AUTS2: variants seen among roughly 807,000 people sequenced by gnomAD.
The protein encoded by AUTS2 is activator of transcription and developmental regulator AUTS2, also known as autism susceptibility gene 2 protein.
A neutral mutation model predicts 112.4 loss-of-function variants in AUTS2; 17 were observed. The observed-to-expected ratio is 0.15, with a 90% CI of 0.10 to 0.23. The LOEUF (loss-of-function observed/expected upper bound fraction) is 0.23. Ranked by LOEUF, AUTS2 falls within the 10% of genes least tolerant of loss-of-function variation. The pLI, the probability that AUTS2 is intolerant of heterozygous loss-of-function variation, is 1.00. For missense variants in AUTS2, 1,510 were observed against 1,701.6 expected (o/e 0.89, Z 1.98); for synonymous variants, 751 against 702.7 (o/e 1.07, Z -1.09).
chr7:69,604,946 G>C (rs961060828), intron 1 of AUTS2, among the ~76,000 whole-genome samples: 1 of 152,228 alleles, frequency 6.6e-6, no homozygotes, highest in African/African-American at 2.4e-5. Flanking sequence ...GAAACAGAGT[G>C]ATCTACCGCC....
At chr7:70,546,186 G>A (rs1348354864) in intron 5 of AUTS2, among the ~76,000 whole-genome samples, 1 of 152,220 alleles carries the variant, frequency 6.6e-6, no homozygotes, top group Non-Finnish European at 1.5e-5. Context: ...GCTCATGCCT[G>A]TAATCCCAGC....
chr7:69,953,380 T>TG (rs1797099445), intron 2 of AUTS2, among the ~76,000 whole-genome samples: 3 of 152,140 alleles, frequency 2.0e-5, no homozygotes, highest in African/African-American at 4.8e-5. Context: ...GATTTTTTTT[T>TG]CTTTCCTTCT....
At chr7:69,773,497 C>T (rs576066238) in intron 1 of AUTS2, among the ~76,000 whole-genome samples, 4 of 150,858 alleles carry the variant, frequency 2.7e-5, no homozygotes, top group Admixed American at 2.6e-4. Flanking sequence ...AAACCTTTTT[C>T]CCCAAGCCTT....
At chr7:70,166,040 G>A (rs1808364175) in intron 4 of AUTS2, among the ~76,000 whole-genome samples, 1 of 152,064 alleles carries the variant, frequency 6.6e-6, no homozygotes, top group African/African-American at 2.4e-5. Flanking sequence ...GCTCCCCTAT[G>A]GTAAGACGTG....
chr7:69,693,798 A>G (rs952249127), intron 1 of AUTS2, among the ~76,000 whole-genome samples: 3 of 152,210 alleles, frequency 2.0e-5, no homozygotes, highest in African/African-American at 7.2e-5. Context: ...TTTCCATGAC[A>G]TTGCTTTAGC....
rs1666060583 is a variant in AUTS2 at position 70,631,924 on chromosome 7, A to G, written c.691-66645A>G. ...GGGGAGACTGCCTGTGGTGAAAAGG[A>G]CAAGGAGATTTGCATCTCTGGCCTC... On this transcript the variant is annotated intron_variant, in intron 5 of 18. Transcript: ENST00000342771. This position sits in a 1 kb window ranked among gnomAD's most constrained non-coding sequence, Gnocchi z 4.5. Among the ~76,000 whole-genome samples the G allele has an allele frequency of 6.6e-6, 1 of 151,950 alleles. No homozygotes were observed. Among genetic ancestry groups the G allele is most frequent in the Non-Finnish European group, 1.5e-5 (1 of 68,004 alleles).
chr7:70,518,204 T>C (rs1346036398), intron 5 of AUTS2, among the ~76,000 whole-genome samples: 2 of 152,204 alleles, frequency 1.3e-5, no homozygotes, highest in Admixed American at 1.3e-4. Context: ...TCTAAAATTA[T>C]TTTTTACAAT....
intron 4 of AUTS2, among the ~76,000 whole-genome samples, chr7:70,187,609 G>A (rs1361648618): frequency 6.6e-6 from 1 of 151,976 alleles, no homozygotes; most frequent in East Asian, 1.9e-4. Flanking sequence ...ATTTGTCATG[G>A]CTACTCCTAC....
At chr7:70,775,417 A>G in intron 13 of AUTS2, 31 bp downstream of exon 13, 1 of 1,590,510 alleles carries the variant, frequency 6.3e-7, no homozygotes, top group African/African-American at 1.3e-5. Context: ...ACTGTTTTGC[A>G]ACCTCTATTT....
chr7:69,958,827 G>C (rs565148695), intron 2 of AUTS2, among the ~76,000 whole-genome samples: 72 of 152,288 alleles, frequency 4.7e-4, no homozygotes, highest in African/African-American at 1.7e-3. Flanking sequence ...ATGCAGGTAG[G>C]CAGTATGACT....
At chr7:70,068,248 G>A (rs958918389) in intron 2 of AUTS2, among the ~76,000 whole-genome samples, 3 of 149,940 alleles carry the variant, frequency 2.0e-5, no homozygotes, top group African/African-American at 7.4e-5. Context: ...CGCCATCTCA[G>A]CTGACTGCAA....
intron 2 of AUTS2, among the ~76,000 whole-genome samples, chr7:70,094,893 C>A (rs1804110395): frequency 6.6e-6 from 1 of 152,048 alleles, no homozygotes; most frequent in African/African-American, 2.4e-5. Flanking sequence ...GTGGGAGAAG[C>A]TTAGGAGTCT....
chr7:69,687,430 G>A (rs555039038), intron 1 of AUTS2, among the ~76,000 whole-genome samples: 1 of 152,274 alleles, frequency 6.6e-6, no homozygotes, highest in African/African-American at 2.4e-5. Context: ...CCAGTTTCAA[G>A]TCCTTTATAT....
At chr7:70,110,897 C>G (rs1805047446) in intron 2 of AUTS2, among the ~76,000 whole-genome samples, 2 of 112,506 alleles carry the variant, frequency 1.8e-5, no homozygotes, top group Middle Eastern at 8.9e-3. Flanking sequence ...GAGTCTCGCT[C>G]TGTCGCCCCA....
At chr7:69,944,396 C>T (rs1221283188) in intron 2 of AUTS2, among the ~76,000 whole-genome samples, 105 of 152,186 alleles carry the variant, frequency 6.9e-4, no homozygotes, top group Non-Finnish European at 1.5e-5. Flanking sequence ...CTCAGGGTCT[C>T]TTTCAGCATG....
At chr7:69,710,977 C>T (rs747240494) in intron 1 of AUTS2, among the ~76,000 whole-genome samples, 15 of 152,112 alleles carry the variant, frequency 9.9e-5, no homozygotes, top group Non-Finnish European at 1.6e-4. Context: ...GTGTGCTTTG[C>T]GTGTCGTGTC....
intron 2 of AUTS2, among the ~76,000 whole-genome samples, chr7:69,969,260 CATAAAA>C (rs1346339232): frequency 6.6e-6 from 1 of 151,950 alleles, no homozygotes; most frequent in Non-Finnish European, 1.5e-5. Context: ...AAATGATTGT[CATAAAA>C]AGAAAAAGAA....
chr7:70,756,496 A>G (rs61700273), intron 6 of AUTS2, among the ~76,000 whole-genome samples: 2,760 of 152,290 alleles, frequency 0.018, 88 homozygotes, highest in African/African-American at 0.062. Context: ...TAGATACTTA[A>G]TGTACCCATC....
intron 1 of AUTS2, among the ~76,000 whole-genome samples, chr7:69,689,684 ATTTATTTATTTG>A (rs1190094760): frequency 3.7e-3 from 174 of 46,912 alleles, no homozygotes; most frequent in African/African-American, 0.016. Context: ...TTATTTATTT[ATTTATTTATTTG>A]AGACAGAGTC....
Sources: allele counts gnomAD v4.1 joint callset (sites outside exome capture counted in the v4.1 genomes callset), GRCh38; gene constraint gnomAD v4.1.1; non-coding constraint Gnocchi (gnomAD v3.1); transcripts MANE v1.5; gene names NCBI Gene and HGNC (gene_info 2026-07-23, HGNC 2026-07-21).